SNX31: variants seen among roughly 807,000 people sequenced by gnomAD.
SNX31 encodes sorting nexin-31.
In SNX31, 58 loss-of-function variants were observed where a neutral mutation model predicts 65.4. The ratio of observed to expected loss-of-function variants is 0.89; its 90% CI spans 0.72 to 1.10. SNX31 has a LOEUF of 1.10. Among genes scored for constraint, SNX31 ranks in the 50% least tolerant of loss-of-function variants. The probability of loss-of-function intolerance (pLI) is 0.00; values close to 1 mark genes in which losing one functional copy is unlikely to be tolerated. For missense variants in SNX31, 523 were observed against 529.7 expected, an observed-to-expected ratio of 0.99 and a Z score of 0.12; for synonymous variants, 181 against 190.1, an observed-to-expected ratio of 0.95 and a Z score of 0.39.
Position 100,584,337 on chromosome 8 carries a change from TC to T in SNX31, c.1093-150del, listed in dbSNP as rs527479568. The T allele has an allele frequency of 1.2e-3, 633 of 547,754 alleles. 2 individuals carry two copies. The highest frequency in any genetic ancestry group is 0.011 in the African/African-American group (570 of 50,182). 33.9% of individuals were successfully genotyped at this position (547,754 alleles called of 1,614,324 possible). ...TTTCTTCATTAACCTCTAGAAGTTT[TC>T]ATAAGATCCAATTAGTAAGTAACTA... On this transcript the variant is annotated intron_variant, in intron 11 of 13. Coordinates refer to ENST00000311812, the MANE Select transcript of SNX31 (RefSeq NM_152628.4).
intron 3 of SNX31, among the ~76,000 whole-genome samples, chr8:100,631,142 T>C (rs921973751): frequency 2.2e-4 from 33 of 152,136 alleles, no homozygotes; most frequent in Non-Finnish European, 1.2e-4. Flanking sequence ...AAAAAAGCAA[T>C]GATAAGGCAG....
At chr8:100,624,717 C>A (rs77619247) in intron 4 of SNX31, among the ~76,000 whole-genome samples, 8,742 of 152,124 alleles carry the variant, frequency 0.057, 494 homozygotes, top group African/African-American at 0.14. Flanking sequence ...GAAATGTAAA[C>A]GCAATACAAA....
intron 2 of SNX31, among the ~76,000 whole-genome samples, chr8:100,644,271 T>C (rs938877041): frequency 3.3e-5 from 5 of 152,198 alleles, no homozygotes; most frequent in Non-Finnish European, 4.4e-5. Flanking sequence ...CCATGTCTGA[T>C]GCTGGCAGAG....
At chr8:100,644,438 G>A (rs980470834) in intron 2 of SNX31, among the ~76,000 whole-genome samples, 2 of 151,364 alleles carry the variant, frequency 1.3e-5, no homozygotes, top group African/African-American at 2.4e-5. Context: ...CAAGAGCAGG[G>A]GCATAAATCA....
chr8:100,655,526 C>A (rs190180202), intron 1 of SNX31, among the ~76,000 whole-genome samples: 114 of 141,744 alleles, frequency 8.0e-4, no homozygotes, highest in Admixed American at 6.1e-3. Context: ...ACCCCTTTTG[C>A]TTGGCTCATT....
At chr8:100,607,696 G>A (rs1478279503) in intron 8 of SNX31, among the ~76,000 whole-genome samples, 2 of 152,154 alleles carry the variant, frequency 1.3e-5, no homozygotes, top group Non-Finnish European at 2.9e-5. Flanking sequence ...AATGCTTGAG[G>A]AAATAGATAC....
In SNX31 at chr8:100,642,284, T is replaced by C. The variant is rs74763252; in HGVS notation, c.142-6273A>G. 5.3e-5 allele frequency among the ~76,000 whole-genome samples: 8 copies of C among 152,298 alleles called. No homozygotes were observed. The East Asian group carries it at 1.3e-3, about 26-fold the overall frequency. On this transcript the variant is annotated intron_variant, in intron 2 of 13. Transcript: ENST00000311812. ...AAAAATTTGACTTCTTTGCATGCAA[T>C]TATTTCTTGGCTAACTGATTAAGTG...
chr8:100,603,273 G>A (rs138227644), intron 8 of SNX31, among the ~76,000 whole-genome samples: 26 of 152,186 alleles, frequency 1.7e-4, no homozygotes, highest in African/African-American at 5.5e-4. Context: ...TTGGCACAGG[G>A]GAACAATATC....
chr8:100,578,777 A>G lies in SNX31; in HGVS notation c.1171-1702T>C, dbSNP rs1813259568. 6.6e-6 allele frequency among the ~76,000 whole-genome samples: 1 copy of G among 151,662 alleles called. No homozygotes were observed. Among genetic ancestry groups the G allele is most frequent in the African/African-American group, 2.4e-5 (1 of 41,198 alleles). On this transcript the variant is annotated intron_variant, in intron 12 of 13. Coordinates refer to ENST00000311812, the MANE Select transcript of SNX31 (RefSeq NM_152628.4). This position sits in a 1 kb window ranked among gnomAD's most constrained non-coding sequence, Gnocchi z 4.7. Reference sequence around the variant, plus strand: ...CGCTGTGTTGCCCAGGCTAGAGTGCAGTGGCACAATCTTGGCTCACTGCAA... The same window carrying G: ...CGCTGTGTTGCCCAGGCTAGAGTGCGGTGGCACAATCTTGGCTCACTGCAA...
chr8:100,589,809 T>C (rs1814406800), intron 10 of SNX31, among the ~76,000 whole-genome samples: 1 of 152,220 alleles, frequency 6.6e-6, no homozygotes, highest in Non-Finnish European at 1.5e-5. Context: ...TTTTTCCTAG[T>C]AATGGAGTCT....
Position 100,640,744 on chromosome 8 carries a change from G to C in SNX31, c.142-4733C>G, listed in dbSNP as rs180717867. On this transcript the variant is annotated intron_variant, in intron 2 of 13. Coordinates refer to ENST00000311812, the MANE Select transcript of SNX31 (RefSeq NM_152628.4). The stretch of plus-strand genomic sequence containing the variant: ...AAAAATATAAGACAAATTCCAAGAA[G>C]GATATTCTACAAAATATCTGACAAG... Among the ~76,000 whole-genome samples, 459 of 151,626 alleles carry C rather than the reference G, an allele frequency of 3.0e-3. 1 individual carries two copies. The highest frequency in any genetic ancestry group is 8.8e-3 in the African/African-American group (365 of 41,308).
chr8:100,659,850 A>G (rs927179814), intron 1 of SNX31, among the ~76,000 whole-genome samples: 1 of 152,132 alleles, frequency 6.6e-6, no homozygotes, highest in Non-Finnish European at 1.5e-5. Context: ...CTTTCAAGAC[A>G]TACAGTTTTA....
At chr8:100,658,649 A>G (rs1809710789) in intron 1 of SNX31, among the ~76,000 whole-genome samples, 1 of 152,206 alleles carries the variant, frequency 6.6e-6, no homozygotes, top group African/African-American at 2.4e-5. Flanking sequence ...ATCTTGCCCA[A>G]AGTTGCACAG....
intron 2 of SNX31, among the ~76,000 whole-genome samples, chr8:100,644,314 C>T (rs1047105864): frequency 3.3e-5 from 5 of 152,210 alleles, no homozygotes; most frequent in Non-Finnish European, 7.3e-5. Context: ...TCACTGTTCA[C>T]AGAGCCCCAT....
At chr8:100,636,988 T>C (rs556968884) in intron 2 of SNX31, among the ~76,000 whole-genome samples, 25 of 152,352 alleles carry the variant, frequency 1.6e-4, no homozygotes, top group African/African-American at 6.0e-4. Flanking sequence ...CCCACAGTGC[T>C]GGGATTACAG....
intron 8 of SNX31, among the ~76,000 whole-genome samples, chr8:100,608,243 T>A (rs1816357398): frequency 6.6e-6 from 1 of 152,196 alleles, no homozygotes; most frequent in African/African-American, 2.4e-5. Flanking sequence ...TGTTGGATAA[T>A]CATCACTGCT....
intron 5 of SNX31, 142 bp downstream of exon 5, chr8:100,617,478 G>T (rs573413540): frequency 3.6e-6 from 2 of 553,904 alleles, no homozygotes; most frequent in East Asian, 3.0e-5. Flanking sequence ...CCCAGCAAAT[G>T]CCAGTACCTC....
intron 13 of SNX31, among the ~76,000 whole-genome samples, chr8:100,574,945 A>G (rs1812924629): frequency 6.6e-6 from 1 of 152,238 alleles, no homozygotes. Context: ...TTAGAAAAAA[A>G]AAGTGTTATG....
rs1586866156 is a variant in SNX31, at chr8:100,588,886, A to C, written c.1072T>G (p.Phe358Val). Reference sequence around the variant, plus strand: ...CTCACCTGTTTGGTGTAAATAACAAACCACTGCCAGCAACTATCCTCACTG... The same window carrying C: ...CTCACCTGTTTGGTGTAAATAACAACCCACTGCCAGCAACTATCCTCACTG... ...QYSEDSCWQWFVIYTKQAFLL... is the reference protein window; with the variant it reads ...QYSEDSCWQWVVIYTKQAFLL... The change falls in exon 11 of 14, where the codon TTT (phenylalanine) becomes GTT (valine). Residue 358 changes from phenylalanine (F) to valine (V), a missense_variant. Physicochemically the swap from Phe to Val is conservative, Grantham distance 50 (BLOSUM62 -1). Coordinates refer to ENST00000311812, the MANE Select transcript of SNX31 (RefSeq NM_152628.4). This position sits in a 1 kb window ranked among gnomAD's most constrained non-coding sequence, Gnocchi z 4.8. The C allele has an allele frequency of 6.2e-7, 1 of 1,613,762 alleles. No individual in the cohort carries two copies. The highest frequency in any genetic ancestry group is 1.3e-5 in the African/African-American group (1 of 75,014).
Sources: allele counts gnomAD v4.1 joint callset (sites outside exome capture counted in the v4.1 genomes callset), GRCh38; gene constraint gnomAD v4.1.1; non-coding constraint Gnocchi (gnomAD v3.1); transcripts MANE v1.5; gene names NCBI Gene and HGNC (gene_info 2026-07-23, HGNC 2026-07-21).